Variants in TNRC18 observed in about 807,000 individuals in gnomAD.
TNRC18 encodes the protein trinucleotide repeat-containing gene 18 protein.
Under a neutral mutation model 226.7 loss-of-function variants are expected in TNRC18, and 69 were observed. The observed-to-expected ratio is 0.30, with a 90% CI of 0.25 to 0.37. The LOEUF (loss-of-function observed/expected upper bound fraction) is 0.37, where lower values mean the gene tolerates loss of function less well. Among genes scored for constraint, TNRC18 ranks in the 10% least tolerant of loss-of-function variants. TNRC18 has a pLI of 1.00. For missense variants in TNRC18, 4,754 were observed against 4,256.6 expected (o/e 1.12, Z -3.25); for synonymous variants, 2,449 against 1,927.6 (o/e 1.27, Z -7.09).
chr7:5,364,116 T>C (rs1793365771), intron 11 of TNRC18, among the ~76,000 whole-genome samples: 1 of 152,082 alleles, frequency 6.6e-6, no homozygotes, highest in Non-Finnish European at 1.5e-5. Context: ...CTGGCCAACA[T>C]GGTGAAACCC....
intron 18 of TNRC18, among the ~76,000 whole-genome samples, chr7:5,338,750 G>A (rs533575089): frequency 9.3e-5 from 14 of 150,672 alleles, no homozygotes; most frequent in South Asian, 8.4e-4. Context: ...GAGAAACCCC[G>A]TCTCTACTGA....
intron 4 of TNRC18, 161 bp from the exon 5 acceptor site, chr7:5,389,497 C>G (rs1030554110): frequency 1.4e-6 from 1 of 706,004 alleles, no homozygotes; most frequent in African/African-American, 3.0e-5. Flanking sequence ...TCTCCTCACC[C>G]AGGCTGGAGT....
At chr7:5,344,321 G>T (rs1420343933) in intron 18 of TNRC18, among the ~76,000 whole-genome samples, 1 of 152,180 alleles carries the variant, frequency 6.6e-6, no homozygotes, top group Non-Finnish European at 1.5e-5. Flanking sequence ...CAGAAGAGTG[G>T]CCTGGCCAAG....
chr7:5,369,730 A>C (rs1793970652), intron 11 of TNRC18, among the ~76,000 whole-genome samples: 1 of 152,192 alleles, frequency 6.6e-6, no homozygotes, highest in Non-Finnish European at 1.5e-5. Context: ...TCCAAGAGCC[A>C]ATTAATTCTC....
chr7:5,382,491 T>A (rs1439336492), intron 5 of TNRC18, among the ~76,000 whole-genome samples: 1 of 152,184 alleles, frequency 6.6e-6, no homozygotes, highest in Non-Finnish European at 1.5e-5. Flanking sequence ...AACCCCTTCC[T>A]GGCCTCTCTC....
intron 18 of TNRC18, among the ~76,000 whole-genome samples, chr7:5,342,583 G>A (rs1790795371): frequency 6.6e-6 from 1 of 152,206 alleles, no homozygotes; most frequent in African/African-American, 2.4e-5. Context: ...CTGAATTGTT[G>A]CAATGTCATG....
rs1791498233 is a variant in TNRC18, at chr7:5,348,971, G to A, written c.5470+2848C>T. ...CAGGGTGGTGGGCAGGGGGCTGGTT[G>A]TGGGGTGGGGGCAGGGGGTTGGACG... is the stretch of plus-strand genomic sequence containing the variant. On this transcript the variant is annotated intron_variant, in intron 17 of 29. Transcript: ENST00000430969. 2.0e-5 allele frequency among the ~76,000 whole-genome samples: 3 copies of A among 151,292 alleles called. No homozygotes were observed. The South Asian group carries it at 6.3e-4, about 32-fold the overall frequency.
At position 5,394,564 on chromosome 7, in the gene TNRC18, G is replaced by T. The variant is rs199804427; in HGVS notation, c.219C>A (p.Ser73Arg). 6.5e-7 allele frequency: 1 copy of T among 1,549,534 alleles called. No individual in the cohort carries two copies. The highest frequency in any genetic ancestry group is 8.7e-7 in the Non-Finnish European group (1 of 1,148,068). ...GEAFLGSFVASGMGPSASSHG... is the reference protein window; with the variant it reads ...GEAFLGSFVARGMGPSASSHG... Reference sequence around the variant, plus strand: ...GGGACGAGGCCGAGGGCCCCATCCCGCTGGCCACAAAGCTGCCCAAGAAGG... The same window carrying T: ...GGGACGAGGCCGAGGGCCCCATCCCTCTGGCCACAAAGCTGCCCAAGAAGG... The change falls in exon 3 of 30, where the codon AGC (serine) becomes AGA (arginine). Residue 73 changes from serine to arginine, a missense_variant. Ser to Arg is a moderately radical substitution (Grantham distance 110, BLOSUM62 -1). Coordinates refer to ENST00000430969, the MANE Select transcript of TNRC18 (RefSeq NM_001080495.3). The surrounding 1 kb of genome is among the most constrained non-coding windows in gnomAD (Gnocchi z 4.5).
chr7:5,361,216 G>A (rs1400250643), intron 14 of TNRC18, among the ~76,000 whole-genome samples: 4 of 152,302 alleles, frequency 2.6e-5, no homozygotes, highest in Middle Eastern at 3.4e-3. Flanking sequence ...GAGACCGAGC[G>A]ACAGCCGGGT....
In TNRC18 at chr7:5,359,385, C is replaced by G. The variant is rs780262208; in HGVS notation, c.4833+13G>C. ...TGAAAGATCTCACACACCTGGAAGA[C>G]TGGGTTACTCACCTGACTGATGAAG... On this transcript the variant is annotated intron_variant, in intron 15 of 29. Coordinates refer to ENST00000430969, the MANE Select transcript of TNRC18 (RefSeq NM_001080495.3). 1 of 1,613,862 alleles carries G rather than the reference C, an allele frequency of 6.2e-7. No homozygotes were observed. Among genetic ancestry groups the G allele is most frequent in the Non-Finnish European group, 8.5e-7 (1 of 1,179,808 alleles).
Position 5,377,612 on chromosome 7 carries a change from G to A in TNRC18, c.2256-36C>T. 1 of 1,543,240 alleles carries A rather than the reference G, an allele frequency of 6.5e-7. No individual in the cohort carries two copies. Among genetic ancestry groups the A allele is most frequent in the South Asian group, 1.2e-5 (1 of 83,898 alleles). On this transcript the variant is annotated intron_variant, in intron 6 of 29. Transcript: ENST00000430969. This position sits in a 1 kb window ranked among gnomAD's most constrained non-coding sequence, Gnocchi z 5.8. ...GATCATAGGTGTCAGCGACAGCTCGGACAGCCCAGGGGACGAGAGGGAGAA... is the reference window on the plus strand; with the variant it reads ...GATCATAGGTGTCAGCGACAGCTCGAACAGCCCAGGGGACGAGAGGGAGAA...
intron 2 of TNRC18, among the ~76,000 whole-genome samples, chr7:5,416,489 G>A (rs1361408303): frequency 6.6e-6 from 1 of 152,272 alleles, no homozygotes. Flanking sequence ...GGGCGGCTGA[G>A]GCAGGATGAT....
At chr7:5,330,954 T>G (rs988536910) in intron 19 of TNRC18, among the ~76,000 whole-genome samples, 1 of 152,142 alleles carries the variant, frequency 6.6e-6, no homozygotes, top group East Asian at 1.9e-4. Context: ...GGATTACAGG[T>G]GTGTGCCACC....
intron 2 of TNRC18, among the ~76,000 whole-genome samples, chr7:5,410,005 ATT>A (rs943391769): frequency 4.1e-5 from 6 of 148,130 alleles, no homozygotes; most frequent in African/African-American, 1.5e-4. Context: ...AAAAAAAAAA[ATT>A]TTTTTTTAAA....
At chr7:5,373,659 G>A (rs1292925185) in intron 10 of TNRC18, among the ~76,000 whole-genome samples, 1 of 152,184 alleles carries the variant, frequency 6.6e-6, no homozygotes, top group Non-Finnish European at 1.5e-5. Flanking sequence ...AAGACGGCAA[G>A]AGCGGGTGTG....
In TNRC18 at chr7:5,332,610, C is replaced by G; in HGVS notation, c.6147+12G>C. 6.6e-7 allele frequency: 1 copy of G among 1,517,366 alleles called. No homozygotes were observed. The allele number at this position is 1,517,366 out of a possible 1,614,324, so 94.0% of individuals were successfully genotyped here. On this transcript the variant is annotated intron_variant, in intron 19 of 29. Coordinates refer to ENST00000430969, the MANE Select transcript of TNRC18 (RefSeq NM_001080495.3). ...ACCCTTCTGCGGCACCCCCTCCCAG[C>G]GCGGCCCCTACCTTCCTGGGGTCCT...
At chr7:5,391,469 A>C (rs1289121622) in intron 3 of TNRC18, among the ~76,000 whole-genome samples, 2 of 151,084 alleles carry the variant, frequency 1.3e-5, no homozygotes, top group African/African-American at 4.9e-5. Context: ...CTGCTACCAC[A>C]CCCGGCTAAT....
chr7:5,393,751 C>G (rs1780465564), intron 3 of TNRC18, among the ~76,000 whole-genome samples: 1 of 152,184 alleles, frequency 6.6e-6, no homozygotes, highest in African/African-American at 2.4e-5. Flanking sequence ...AAGTGAGGCT[C>G]TAGAGAAATC....
At chr7:5,328,434 G>A (rs1331368600) in intron 19 of TNRC18, among the ~76,000 whole-genome samples, 3 of 151,592 alleles carry the variant, frequency 2.0e-5, no homozygotes, top group East Asian at 3.9e-4. Flanking sequence ...TTGGGAGGTC[G>A]AGGCAGGAGG....
Sources: gnomAD v4.1 joint callset for allele counts (sites outside exome capture counted in the v4.1 genomes callset) on GRCh38, gnomAD v4.1.1 for gene constraint, Gnocchi (gnomAD v3.1) non-coding constraint, MANE v1.5 for transcripts, NCBI Gene and HGNC (gene_info 2026-07-23, HGNC 2026-07-21) for gene names.